Variants in ITSN1 observed in about 807,000 individuals in gnomAD.
ITSN1 encodes intersectin 1, also known as intersectin-1.
In ITSN1, 58 loss-of-function variants were observed where a neutral mutation model predicts 239.8. The ratio of observed to expected loss-of-function variants is 0.24; its 90% CI spans 0.20 to 0.30. The LOEUF (loss-of-function observed/expected upper bound fraction) is 0.30. ITSN1 is among the 10% of genes least tolerant of loss of function. The pLI is 1.00. For synonymous variants in ITSN1, 780 were observed against 770.8 expected, an observed-to-expected ratio of 1.01 and a Z score of -0.20; for missense variants, 1,558 against 2,103.3, an observed-to-expected ratio of 0.74 and a Z score of 5.07.
rs149995788 is a variant in ITSN1 at position 33,714,483 on chromosome 21, T to C, written c.-32-4314T>C. On this transcript the variant is annotated intron_variant, in intron 1 of 39. Transcript: ENST00000381318. ...TTTCCTAAGTTCTAGAGTAGCATGG[T>C]AAATAACAAATAGTCTTAGGTGCTT... Among the ~76,000 whole-genome samples the C allele has an allele frequency of 1.6e-3, 246 of 152,328 alleles. 2 individuals carry two copies. Among genetic ancestry groups the C allele is most frequent in the Non-Finnish European group, 3.1e-3 (214 of 68,032 alleles).
At chr21:33,828,387 C>G (rs756161264) in intron 26 of ITSN1, among the ~76,000 whole-genome samples, 2 of 152,242 alleles carry the variant, frequency 1.3e-5, no homozygotes, top group Non-Finnish European at 2.9e-5. Context: ...CATGCTGTGG[C>G]CTTTCTTGCT....
intron 1 of ITSN1, among the ~76,000 whole-genome samples, chr21:33,709,137 A>T (rs2092338610): frequency 6.6e-6 from 1 of 152,182 alleles, no homozygotes; most frequent in African/African-American, 2.4e-5. Context: ...CTTTACTATC[A>T]GCTTGCCGAT....
At chr21:33,673,853 G>A (rs562377230) in intron 1 of ITSN1, among the ~76,000 whole-genome samples, 1 of 152,296 alleles carries the variant, frequency 6.6e-6, no homozygotes, top group South Asian at 2.1e-4. Flanking sequence ...GTTTATCATG[G>A]TTAAACCTCC....
chr21:33,766,969 A>G (rs1035866892), intron 10 of ITSN1, among the ~76,000 whole-genome samples: 4 of 151,906 alleles, frequency 2.6e-5, no homozygotes, highest in Non-Finnish European at 5.9e-5. Context: ...GGAGTTTGAG[A>G]TCAGCCTGGC....
chr21:33,769,475 T>C (rs1219264054), intron 11 of ITSN1, among the ~76,000 whole-genome samples: 1 of 152,106 alleles, frequency 6.6e-6, no homozygotes, highest in East Asian at 1.9e-4. Context: ...CATAACAAAA[T>C]AGCATAGACC....
intron 29 of ITSN1, among the ~76,000 whole-genome samples, chr21:33,846,868 G>T (rs972619962): frequency 6.6e-6 from 1 of 152,210 alleles, no homozygotes; most frequent in Admixed American, 6.5e-5. Context: ...CTCATGAAAA[G>T]ACCCCAAAAC....
chr21:33,879,610 G>A (rs1984560297), intron 34 of ITSN1, among the ~76,000 whole-genome samples: 1 of 152,216 alleles, frequency 6.6e-6, no homozygotes, highest in Non-Finnish European at 1.5e-5. Context: ...GCCCTTCCCC[G>A]ACTCTGACAG....
intron 1 of ITSN1, among the ~76,000 whole-genome samples, chr21:33,681,362 C>A (rs1412321660): frequency 6.6e-6 from 1 of 152,120 alleles, no homozygotes; most frequent in Non-Finnish European, 1.5e-5. Flanking sequence ...TTTTTGGCAT[C>A]TCTGCAGACA....
Position 33,893,044 on chromosome 21 carries a change from C to G in ITSN1, c.*4744C>G, listed in dbSNP as rs1395622137. The stretch of plus-strand genomic sequence containing the variant: ...GCTTCCTCCTGGGGGACCCACAGGT[C>G]AGCCCATTCCAGGAGAAGCAGTCTT... On this transcript the variant is annotated 3_prime_UTR_variant, in exon 40 of 40. Transcript: ENST00000381318. 6.6e-6 allele frequency: 1 copy of G among 152,232 alleles called. No homozygotes were observed. Among genetic ancestry groups the G allele is most frequent in the Non-Finnish European group, 1.5e-5 (1 of 68,070 alleles). The allele number at this position is 152,232 out of a possible 1,614,324, so 9.4% of individuals were successfully genotyped here.
chr21:33,699,582 G>A (rs2091924329), intron 1 of ITSN1, among the ~76,000 whole-genome samples: 1 of 152,098 alleles, frequency 6.6e-6, no homozygotes, highest in Admixed American at 6.6e-5. Flanking sequence ...AGCCAGGTGT[G>A]GTGGTACACA....
At chr21:33,658,802 G>A (rs1248618028) in intron 1 of ITSN1, among the ~76,000 whole-genome samples, 1 of 152,274 alleles carries the variant, frequency 6.6e-6, no homozygotes, top group East Asian at 1.9e-4. Flanking sequence ...ATTACTTACT[G>A]TGTGTCAGAT....
intron 1 of ITSN1, among the ~76,000 whole-genome samples, chr21:33,706,953 C>G (rs913384079): frequency 1.3e-5 from 2 of 152,122 alleles, no homozygotes; most frequent in African/African-American, 4.8e-5. Context: ...GAACTCCTGA[C>G]CTCAAGTGAT....
chr21:33,793,969 A>G (rs2071342517), intron 16 of ITSN1, among the ~76,000 whole-genome samples: 1 of 152,220 alleles, frequency 6.6e-6, no homozygotes, highest in African/African-American at 2.4e-5. Context: ...GTGTTGATTG[A>G]TAATCAAAAG....
chr21:33,749,870 T>G (rs2067432340), intron 5 of ITSN1, among the ~76,000 whole-genome samples: 1 of 152,184 alleles, frequency 6.6e-6, no homozygotes, highest in African/African-American at 2.4e-5. Context: ...ACTCATGGAT[T>G]TAATTATATT....
intron 1 of ITSN1, among the ~76,000 whole-genome samples, chr21:33,648,928 C>T (rs2088240457): frequency 6.6e-6 from 1 of 152,062 alleles, no homozygotes; most frequent in Non-Finnish European, 1.5e-5. Context: ...GAAAAATTAG[C>T]CTCATCAACT....
At chr21:33,759,917 T>G (rs2068173888) in intron 8 of ITSN1, among the ~76,000 whole-genome samples, 1 of 151,848 alleles carries the variant, frequency 6.6e-6, no homozygotes, top group Non-Finnish European at 1.5e-5. Context: ...TTGGCCAACA[T>G]GGGGAAACCC....
chr21:33,849,469 G>C (rs577895258), intron 29 of ITSN1, among the ~76,000 whole-genome samples: 15 of 151,772 alleles, frequency 9.9e-5, no homozygotes, highest in African/African-American at 3.6e-4. Flanking sequence ...GGGAGGCTGA[G>C]GCACGAGAAT....
At position 33,794,499 on chromosome 21, in the gene ITSN1, G is replaced by T. The variant is rs2073368; in HGVS notation, c.1952+31G>T. 154,141 of 1,584,758 alleles carry T rather than the reference G, an allele frequency of 0.097. 10,157 individuals carry two copies. The highest frequency in any genetic ancestry group is 0.28 in the Admixed American group (14,630 of 52,948). ...TCTTCTTTGGATTGTGGACTCATCT[G>T]GAAGGAACTTTGAGGATTTACTATT... On this transcript the variant is annotated intron_variant, in intron 17 of 39. Transcript: ENST00000381318.
intron 20 of ITSN1, among the ~76,000 whole-genome samples, chr21:33,808,193 C>CA (rs201200641): frequency 1.4e-3 from 170 of 118,684 alleles, no homozygotes; most frequent in Middle Eastern, 4.3e-3. Flanking sequence ...GACTCCGTCT[C>CA]AAAAAAAAAA....
Sources: allele counts gnomAD v4.1 joint callset (sites outside exome capture counted in the v4.1 genomes callset), GRCh38; gene constraint gnomAD v4.1.1; transcripts MANE v1.5; gene names NCBI Gene and HGNC (gene_info 2026-07-23, HGNC 2026-07-21).